The following IMPG1 variants were observed in gnomAD, a reference collection of about 807,000 sequenced individuals.
IMPG1 encodes the protein interphotoreceptor matrix proteoglycan of 150 kDa.
In IMPG1, 85 loss-of-function variants were observed where a neutral mutation model predicts 92.0. That is an observed-to-expected ratio of 0.92 (90% CI 0.78 to 1.11). The LOEUF is 1.11. Ranked by LOEUF, IMPG1 falls within the 50% of genes least tolerant of loss-of-function variation. The probability of loss-of-function intolerance (pLI) is 0.00; values close to 1 mark genes in which losing one functional copy is unlikely to be tolerated. For synonymous variants in IMPG1, 367 were observed against 334.1 expected (o/e 1.10, Z -1.08); for missense variants, 1,022 against 956.0 (o/e 1.07, Z -0.91).
intron 15 of IMPG1, among the ~76,000 whole-genome samples, chr6:75,929,350 G>T (rs866266257): frequency 5.1e-4 from 77 of 151,978 alleles, no homozygotes; most frequent in African/African-American, 1.6e-3. Flanking sequence ...AGTATCTTCT[G>T]TATTTTGCTG....
intron 1 of IMPG1, among the ~76,000 whole-genome samples, chr6:76,064,034 G>C (rs1257620129): frequency 6.6e-6 from 1 of 152,146 alleles, no homozygotes; most frequent in Non-Finnish European, 1.5e-5. Flanking sequence ...CACAGGAATG[G>C]AGAGGGGGAC....
At chr6:76,060,122 G>C (rs1042595452) in intron 1 of IMPG1, among the ~76,000 whole-genome samples, 1 of 152,174 alleles carries the variant, frequency 6.6e-6, no homozygotes, top group Non-Finnish European at 1.5e-5. Flanking sequence ...GAAAATAGAT[G>C]CTGGCTATGG....
intron 12 of IMPG1, among the ~76,000 whole-genome samples, chr6:75,980,265 A>AT (rs1782605734): frequency 1.3e-5 from 2 of 152,212 alleles, no homozygotes; most frequent in African/African-American, 4.8e-5. Context: ...TTTATGAAAC[A>AT]TTTTTCTGAA....
intron 16 of IMPG1, among the ~76,000 whole-genome samples, chr6:75,922,455 C>T (rs1781446191): frequency 6.6e-6 from 1 of 152,170 alleles, no homozygotes; most frequent in Non-Finnish European, 1.5e-5. Flanking sequence ...CCATAGTAGA[C>T]ACCATTAGTG....
chr6:76,026,323 G>A (rs947413308), intron 4 of IMPG1, among the ~76,000 whole-genome samples: 5 of 152,198 alleles, frequency 3.3e-5, no homozygotes, highest in Admixed American at 1.3e-4. Flanking sequence ...CGTGGGGCTC[G>A]AGAAGTGGTG....
At chr6:76,052,228 G>A (rs1325789923) in intron 1 of IMPG1, among the ~76,000 whole-genome samples, 1 of 152,146 alleles carries the variant, frequency 6.6e-6, no homozygotes, top group African/African-American at 2.4e-5. Context: ...TAGGAGTCTA[G>A]CAGGGCCATG....
intron 14 of IMPG1, among the ~76,000 whole-genome samples, chr6:75,940,318 C>G (rs987359535): frequency 6.6e-6 from 1 of 152,154 alleles, no homozygotes; most frequent in African/African-American, 2.4e-5. Flanking sequence ...TCTATCTTGT[C>G]TATTTCCTTA....
At chr6:76,026,906 T>C (rs1361879597) in intron 4 of IMPG1, among the ~76,000 whole-genome samples, 3 of 152,234 alleles carry the variant, frequency 2.0e-5, no homozygotes, top group African/African-American at 7.2e-5. Context: ...CTTTGCCTTA[T>C]GGAATGAGCC....
chr6:75,975,643 A>C (rs1262926323), intron 12 of IMPG1, among the ~76,000 whole-genome samples: 1 of 152,248 alleles, frequency 6.6e-6, no homozygotes, highest in Non-Finnish European at 1.5e-5. Context: ...CAATTTCAAC[A>C]TTACATTTTA....
intron 12 of IMPG1, among the ~76,000 whole-genome samples, chr6:75,976,027 G>T (rs1380585485): frequency 6.6e-6 from 1 of 152,002 alleles, no homozygotes; most frequent in East Asian, 1.9e-4. Context: ...GTTGGATTTG[G>T]TTTTCAGGGC....
Position 76,009,553 on chromosome 6 carries a change from A to G in IMPG1, c.866+1613T>C, listed in dbSNP as rs558073044. 5.3e-5 allele frequency among the ~76,000 whole-genome samples: 8 copies of G among 152,344 alleles called. No homozygotes were observed. In the South Asian group the frequency reaches 1.4e-3, roughly 28 times the overall value. ...ACAATTTTGCCACTGTCATGAGCAC[A>G]TTATTTATTGTATTCAAGGGCCAAA... On this transcript the variant is annotated intron_variant, in intron 8 of 16. Transcript: ENST00000369950.
intron 4 of IMPG1, among the ~76,000 whole-genome samples, chr6:76,026,710 T>G (rs1783544110): frequency 1.3e-5 from 2 of 151,358 alleles, no homozygotes; most frequent in African/African-American, 4.9e-5. Flanking sequence ...TTTTTAAATG[T>G]TTTTTTTTCT....
At chr6:75,949,352 G>T (rs1406572931) in intron 13 of IMPG1, among the ~76,000 whole-genome samples, 6 of 152,150 alleles carry the variant, frequency 3.9e-5, no homozygotes, top group Non-Finnish European at 8.8e-5. Context: ...GTGACCTCTG[G>T]TCGTCCTCAC....
In IMPG1 at chr6:76,023,106, CT is replaced by C. The variant is rs568823264; in HGVS notation, c.563-888del. ...TAATTGCCCTGGGTGTGGAATTGTG[CT>C]TCCTAGTGGGGGCGTGAGAGTGGGT... On this transcript the variant is annotated intron_variant, in intron 5 of 16. Transcript: ENST00000369950. Among the ~76,000 whole-genome samples the C allele has an allele frequency of 6.1e-4, 93 of 152,292 alleles. 1 individual carries two copies. Among genetic ancestry groups the C allele is most frequent in the South Asian group, 3.1e-3 (15 of 4,822 alleles).
At chr6:75,974,406 TTCC>T (rs1249083549) in intron 12 of IMPG1, among the ~76,000 whole-genome samples, 10 of 133,850 alleles carry the variant, frequency 7.5e-5, no homozygotes, top group African/African-American at 2.6e-4. Context: ...CTTTCTTTCC[TTCC>T]TTCCTTCCTT....
chr6:75,972,061 C>A (rs536296446), intron 12 of IMPG1, among the ~76,000 whole-genome samples: 1 of 152,212 alleles, frequency 6.6e-6, no homozygotes, highest in South Asian at 2.1e-4. Flanking sequence ...TTTACTTTAA[C>A]AAGAGTTAGT....
In IMPG1 at chr6:75,950,573, A is replaced by G; in HGVS notation, c.1813T>C (p.Phe605Leu). Residue 605 changes from phenylalanine to leucine, a missense_variant, in exon 13 of 17, where the codon TTC becomes CTC. Phe to Leu is a conservative substitution (Grantham distance 22). Coordinates refer to ENST00000369950, the MANE Select transcript of IMPG1 (RefSeq NM_001563.4). Reference sequence around the variant, plus strand: ...CAGTGCCCACTCACCAGCTGTGTGAATTGTTGCTCCAGAGCTCGGTACTCC... The same window carrying G: ...CAGTGCCCACTCACCAGCTGTGTGAGTTGTTGCTCCAGAGCTCGGTACTCC... ...SLEYRALEQQFTQLLVPYLRS... is the reference protein window; with the variant it reads ...SLEYRALEQQLTQLLVPYLRS... The G allele has an allele frequency of 1.2e-6, 2 of 1,607,742 alleles. No homozygotes were observed. The highest frequency in any genetic ancestry group is 1.7e-6 in the Non-Finnish European group (2 of 1,176,660).
chr6:75,987,202 C>T (rs1782730685), intron 12 of IMPG1, among the ~76,000 whole-genome samples: 1 of 151,988 alleles, frequency 6.6e-6, no homozygotes, highest in African/African-American at 2.4e-5. Flanking sequence ...AAAAGATTGA[C>T]CTGAGCTGAA....
At chr6:76,069,840 T>C (rs1212018179) in intron 1 of IMPG1, among the ~76,000 whole-genome samples, 1 of 152,036 alleles carries the variant, frequency 6.6e-6, no homozygotes, top group Non-Finnish European at 1.5e-5. Context: ...ACAACATGAA[T>C]AAAGCTGGAG....
Sources: gnomAD v4.1 joint callset for allele counts (sites outside exome capture counted in the v4.1 genomes callset) on GRCh38, gnomAD v4.1.1 for gene constraint, MANE v1.5 for transcripts, NCBI Gene and HGNC (gene_info 2026-07-23, HGNC 2026-07-21) for gene names.